GOLGA3: variants seen among roughly 807,000 people sequenced by gnomAD.
GOLGA3 encodes golgin A3.
In GOLGA3, 75 loss-of-function variants were observed where a neutral mutation model predicts 169.4. The ratio of observed to expected loss-of-function variants is 0.44; its 90% CI spans 0.37 to 0.54. The LOEUF (loss-of-function observed/expected upper bound fraction) is 0.54, where lower values mean the gene tolerates loss of function less well. Among genes scored for constraint, GOLGA3 ranks in the 20% least tolerant of loss-of-function variants. The pLI, the probability that GOLGA3 is intolerant of heterozygous loss-of-function variation, is 0.00. For synonymous variants in GOLGA3, 824 were observed against 822.4 expected, an observed-to-expected ratio of 1.00 and a Z score of -0.03; for missense variants, 1,899 against 1,930.0, an observed-to-expected ratio of 0.98 and a Z score of 0.30.
At position 132,775,815 on chromosome 12, in the gene GOLGA3, A is replaced by G. The variant is rs184020412; in HGVS notation, c.3979-510T>C. ...CATTTACAAGGGGAACTTAGCAATT[A>G]CACTCCTTTCCCGAGCAGTCAAGAC... On this transcript the variant is annotated intron_variant, in intron 21 of 23. Coordinates refer to ENST00000450791, the MANE Select transcript of GOLGA3 (RefSeq NM_001389683.1). 5.3e-4 allele frequency among the ~76,000 whole-genome samples: 81 copies of G among 152,340 alleles called. No homozygotes were observed. The East Asian group carries it at 0.013, about 24-fold the overall frequency.
At chr12:132,803,038 A>G (rs1566113927) in intron 7 of GOLGA3, among the ~76,000 whole-genome samples, 1 of 151,616 alleles carries the variant, frequency 6.6e-6, no homozygotes, top group Admixed American at 6.6e-5. Context: ...CTGGGCAACA[A>G]GAGTGAAACT....
intron 2 of GOLGA3, among the ~76,000 whole-genome samples, chr12:132,819,419 C>G (rs1348847905): frequency 6.6e-6 from 1 of 152,122 alleles, no homozygotes; most frequent in East Asian, 1.9e-4. Flanking sequence ...GTCCCAGCTA[C>G]TTGGGAGGCT....
Position 132,782,279 on chromosome 12 carries a change from T to C in GOLGA3, c.3465+17A>G. The C allele has an allele frequency of 6.2e-7, 1 of 1,605,074 alleles. No homozygotes were observed. The highest frequency in any genetic ancestry group is 8.5e-7 in the Non-Finnish European group (1 of 1,172,452). ...CTCTCACACCGTTGCTGGCGTGAGT[T>C]TGACGAGTTTGAATACCTGAAGGTT... On this transcript the variant is annotated intron_variant, in intron 17 of 23. Coordinates refer to ENST00000450791, the MANE Select transcript of GOLGA3 (RefSeq NM_001389683.1).
Position 132,804,909 on chromosome 12 carries a change from C to T in GOLGA3, c.1404G>A (p.Ser468=), listed in dbSNP as rs200547951. ...SSQQRQDSLS[S]EVDTLKQSCW... is the part of the protein sequence containing the mutation. ...ACGACTGCTTCAGGGTGTCCACCTC[C>T]GAGCTCAGCGAATCCTGCCGCTGCT... Residue 468 remains serine (S), a synonymous_variant, in exon 7 of 24, where the codon TCG becomes TCA. Transcript: ENST00000450791. The surrounding 1 kb of genome is among the most constrained non-coding windows in gnomAD (Gnocchi z 4.1). The T allele has an allele frequency of 2.9e-5, 47 of 1,613,938 alleles. No homozygotes were observed. The East Asian group carries it at 3.8e-4, about 13-fold the overall frequency.
chr12:132,782,164 T>C, intron 17 of GOLGA3, 132 bp downstream of exon 17: 1 of 855,690 alleles, frequency 1.2e-6, no homozygotes, highest in Non-Finnish European at 2.0e-6. Context: ...CTCCTGAGCC[T>C]GTTCTCTCGG....
intron 6 of GOLGA3, among the ~76,000 whole-genome samples, chr12:132,806,230 G>A (rs934580255): frequency 2.0e-5 from 3 of 152,214 alleles, no homozygotes; most frequent in Admixed American, 6.5e-5. Flanking sequence ...GGATGCAACC[G>A]AAGGACCAAT....
At position 132,771,263 on chromosome 12, in the gene GOLGA3, A is replaced by T. The variant is rs1436475443; in HGVS notation, c.*1842T>A. 1 of 152,614 alleles carries T rather than the reference A, an allele frequency of 6.6e-6. No homozygotes were observed. The highest frequency in any genetic ancestry group is 6.5e-5 in the Admixed American group (1 of 15,268). 9.5% of individuals were successfully genotyped at this position (152,614 alleles called of 1,614,324 possible). A position where few individuals can be genotyped will look rare whatever the true frequency, so the allele number is the denominator to read the frequency against. ...ACAGAACACAAATAGCTTAAAACAC[A>T]CCATACTGTTTTCTCCACAAAACAG... is the stretch of plus-strand genomic sequence containing the variant. On this transcript the variant is annotated 3_prime_UTR_variant, in exon 24 of 24. Transcript: ENST00000450791.
chr12:132,825,803 C>A (rs1950387938), intron 1 of GOLGA3: 8 of 1,229,820 alleles, frequency 6.5e-6, no homozygotes, highest in Non-Finnish European at 8.4e-6. Context: ...GAAGCTCCTG[C>A]GGTACTACAA....
chr12:132,786,636 C>T (rs181678569), intron 14 of GOLGA3, 57 bp downstream of exon 14: 117 of 1,062,662 alleles, frequency 1.1e-4, no homozygotes, highest in South Asian at 3.1e-4. Flanking sequence ...GCCTCCCCCC[C>T]GGCCCCCGCA....
intron 18 of GOLGA3, among the ~76,000 whole-genome samples, chr12:132,778,034 C>T (rs2045347512): frequency 6.6e-6 from 1 of 152,252 alleles, no homozygotes; most frequent in Non-Finnish European, 1.5e-5. Flanking sequence ...TGAATGAACA[C>T]ATTTATTCGA....
chr12:132,786,752 G>A lies in GOLGA3; in HGVS notation c.2847C>T (p.Val949=). ...TCTTCAGCGCCTCATTGGCCTCTGTGACCGCGACCATCTGCTCCTTATCGA... is the reference window on the plus strand; with the variant it reads ...TCTTCAGCGCCTCATTGGCCTCTGTAACCGCGACCATCTGCTCCTTATCGA... The part of the protein sequence containing the change: ...LQFDKEQMVA[V]TEANEALKKQ... The change falls in exon 14 of 24, where the codon GTC becomes GTT. Residue 949 remains valine (V), a synonymous_variant. Coordinates refer to ENST00000450791, the MANE Select transcript of GOLGA3 (RefSeq NM_001389683.1). The A allele has an allele frequency of 6.2e-7, 1 of 1,612,740 alleles. No individual in the cohort carries two copies. Among genetic ancestry groups the A allele is most frequent in the Non-Finnish European group, 8.5e-7 (1 of 1,179,608 alleles).
chr12:132,776,709 C>T lies in GOLGA3; in HGVS notation c.3903G>A (p.Gln1301=), dbSNP rs778765831. ...WEVDQKEREI[Q]SLKQQLDLTE... ...TCAAGTCCAGCTGCTGCTTCAAGGA[C>T]TGGATTTCTCTTTCTTTCTGATCCA... The change falls in exon 21 of 24, where the codon CAG becomes CAA. Residue 1301 remains glutamine, a synonymous_variant. Coordinates refer to ENST00000450791, the MANE Select transcript of GOLGA3 (RefSeq NM_001389683.1). 7 of 1,614,150 alleles carry T rather than the reference C, an allele frequency of 4.3e-6. No homozygotes were observed. The South Asian group carries it at 6.6e-5, about 15-fold the overall frequency.
In GOLGA3 at chr12:132,822,313, T is replaced by C; in HGVS notation, c.-183-2A>G. ...TCAAACCAGCTAATATCATGATACC[T>C]GACAGGAGAGAGAGACAAAATGTAT... On this transcript the variant is annotated splice_acceptor_variant, in intron 1 of 23. Coordinates refer to ENST00000450791, the MANE Select transcript of GOLGA3 (RefSeq NM_001389683.1). LOFTEE classifies it low-confidence loss of function (5UTR_SPLICE). 1 of 1,327,238 alleles carries C rather than the reference T, an allele frequency of 7.5e-7. No homozygotes were observed. Among genetic ancestry groups the C allele is most frequent in the Non-Finnish European group, 9.6e-7 (1 of 1,037,204 alleles). 82.2% of individuals were successfully genotyped at this position (1,327,238 alleles called of 1,614,324 possible). A position where few individuals can be genotyped will look rare whatever the true frequency, so the allele number is the denominator to read the frequency against.
chr12:132,813,630 C>T (rs1949819719), intron 3 of GOLGA3, among the ~76,000 whole-genome samples: 1 of 151,974 alleles, frequency 6.6e-6, no homozygotes. Context: ...TCACAGGAGA[C>T]ACAGTGGCCA....
chr12:132,780,494 G>A (rs1229792937), intron 18 of GOLGA3, among the ~76,000 whole-genome samples: 1 of 152,222 alleles, frequency 6.6e-6, no homozygotes, highest in African/African-American at 2.4e-5. Context: ...GGGATCATAT[G>A]CTATTCTCAA....
intron 8 of GOLGA3, among the ~76,000 whole-genome samples, chr12:132,798,693 C>A (rs549502212): frequency 5.3e-5 from 8 of 152,302 alleles, no homozygotes; most frequent in African/African-American, 1.9e-4. Flanking sequence ...CATCAGCCAG[C>A]GCTCATCATG....
chr12:132,823,710 C>T (rs923003647), intron 1 of GOLGA3, among the ~76,000 whole-genome samples: 44 of 152,068 alleles, frequency 2.9e-4, no homozygotes, highest in Admixed American at 2.6e-3. Context: ...TCACTTGAAC[C>T]TGGGAGGCGG....
intron 2 of GOLGA3, 58 bp from the exon 3 acceptor site, chr12:132,816,870 T>C (rs1949982005): frequency 6.9e-7 from 1 of 1,446,770 alleles, no homozygotes; most frequent in African/African-American, 1.4e-5. Context: ...GACGTCGCTT[T>C]TCAGACATGC....
At chr12:132,809,070 T>C (rs953946460) in intron 4 of GOLGA3, among the ~76,000 whole-genome samples, 2 of 152,120 alleles carry the variant, frequency 1.3e-5, no homozygotes, top group Admixed American at 6.5e-5. Flanking sequence ...GTGAGTCACC[T>C]CCAATGATAG....
Sources: gnomAD v4.1 joint callset for allele counts (sites outside exome capture counted in the v4.1 genomes callset) on GRCh38, gnomAD v4.1.1 for gene constraint, Gnocchi (gnomAD v3.1) non-coding constraint, MANE v1.5 for transcripts, NCBI Gene and HGNC (gene_info 2026-07-23, HGNC 2026-07-21) for gene names.